The following LHX4 variants were observed in gnomAD, a reference collection of about 807,000 sequenced individuals.
LHX4 encodes the protein LIM homeobox 4.
In LHX4, 16 loss-of-function variants were observed where a neutral mutation model predicts 39.2. The ratio of observed to expected loss-of-function variants is 0.41; its 90% CI spans 0.28 to 0.62. The LOEUF (loss-of-function observed/expected upper bound fraction) is 0.62. LHX4 is among the 20% of genes least tolerant of loss of function. LHX4 has a pLI of 0.33. For missense variants in LHX4, 439 were observed against 511.9 expected, an observed-to-expected ratio of 0.86 and a Z score of 1.37; for synonymous variants, 206 against 198.1, an observed-to-expected ratio of 1.04 and a Z score of -0.33.
intron 1 of LHX4, among the ~76,000 whole-genome samples, chr1:180,243,412 T>C (rs1311253354): frequency 6.6e-6 from 1 of 152,152 alleles, no homozygotes; most frequent in Non-Finnish European, 1.5e-5. Flanking sequence ...ACTTTATTCC[T>C]GGTAGGAAAC....
chr1:180,241,560 C>T (rs528862072), intron 1 of LHX4, among the ~76,000 whole-genome samples: 16 of 152,080 alleles, frequency 1.1e-4, no homozygotes, highest in Non-Finnish European at 2.1e-4. Flanking sequence ...ACAGCTACCT[C>T]GAAAGAGTGG....
chr1:180,233,019 C>T (rs112820260), intron 1 of LHX4, among the ~76,000 whole-genome samples: 1 of 152,208 alleles, frequency 6.6e-6, no homozygotes. Context: ...ACGAATGGAG[C>T]ACTTGGGGAC....
chr1:180,258,341 G>T (rs1196397400), intron 2 of LHX4, among the ~76,000 whole-genome samples: 1 of 152,236 alleles, frequency 6.6e-6, no homozygotes, highest in African/African-American at 2.4e-5. Flanking sequence ...GGAGGAGGCG[G>T]AGTGGACTGG....
chr1:180,241,217 T>C (rs1664439281), intron 1 of LHX4, among the ~76,000 whole-genome samples: 2 of 152,182 alleles, frequency 1.3e-5, no homozygotes, highest in Non-Finnish European at 2.9e-5. Context: ...GTCTGCCAGA[T>C]CCCTTTATTC....
At chr1:180,228,446 C>T (rs355617), upstream of LHX4, among the ~76,000 whole-genome samples, 3,273 of 152,278 alleles carry the variant, frequency 0.021, 105 homozygotes, top group African/African-American at 0.073. Flanking sequence ...ATGCCCCTCC[C>T]GCGCGTCGGG....
chr1:180,233,939 T>A (rs1404693561), intron 1 of LHX4, among the ~76,000 whole-genome samples: 1 of 151,432 alleles, frequency 6.6e-6, no homozygotes, highest in Non-Finnish European at 1.5e-5. Flanking sequence ...TGGGACTTCC[T>A]CTCCTGGGGC....
intron 3 of LHX4, among the ~76,000 whole-genome samples, chr1:180,268,559 C>T (rs1343359182): frequency 2.6e-5 from 4 of 152,192 alleles, no homozygotes; most frequent in Non-Finnish European, 5.9e-5. Flanking sequence ...GGCTGACCCT[C>T]GGCTTCTCAG....
At chr1:180,261,923 CA>C (rs1461209721) in intron 2 of LHX4, among the ~76,000 whole-genome samples, 1 of 152,166 alleles carries the variant, frequency 6.6e-6, no homozygotes, top group African/African-American at 2.4e-5. Flanking sequence ...ATTAACAGAT[CA>C]GAATGTTCAC....
In LHX4 at chr1:180,266,252, C is replaced by T. The variant is rs983580251; in HGVS notation, c.249-140C>T. 11 of 783,268 alleles carry T rather than the reference C, an allele frequency of 1.4e-5. No individual in the cohort carries two copies. Among genetic ancestry groups the T allele is most frequent in the East Asian group, 5.1e-5 (2 of 38,880 alleles). The allele number at this position is 783,268 out of a possible 1,614,324, so 48.5% of individuals were successfully genotyped here. ...CTAGATGGAGGCAGAGAGGACCAGA[C>T]GGTAAGCTCTGGGTGACTGGGGGGT... is the stretch of plus-strand genomic sequence containing the variant. On this transcript the variant is annotated intron_variant, in intron 2 of 5. Coordinates refer to ENST00000263726, the MANE Select transcript of LHX4 (RefSeq NM_033343.4). The surrounding 1 kb of genome is among the most constrained non-coding windows in gnomAD (Gnocchi z 5.7).
rs1327972028 is a variant in LHX4, at chr1:180,232,760, G to A, written c.76+2155G>A. 1.3e-5 allele frequency among the ~76,000 whole-genome samples: 2 copies of A among 152,226 alleles called. No homozygotes were observed. The highest frequency in any genetic ancestry group is 2.9e-5 in the Non-Finnish European group (2 of 68,044). ...TTAGGCTGTTGGTGCTGGGACCGCG[G>A]GATAGGTCCCCATCACCCACATATA... On this transcript the variant is annotated intron_variant, in intron 1 of 5. Transcript: ENST00000263726. This position sits in a 1 kb window ranked among gnomAD's most constrained non-coding sequence, Gnocchi z 5.4.
chr1:180,268,785 G>A (rs1045647837), intron 3 of LHX4, among the ~76,000 whole-genome samples: 1 of 152,192 alleles, frequency 6.6e-6, no homozygotes, highest in African/African-American at 2.4e-5. Flanking sequence ...CCCTGGCTGT[G>A]AGCAAGGCAG....
intron 2 of LHX4, among the ~76,000 whole-genome samples, chr1:180,257,485 AG>A (rs1647906052): frequency 6.6e-6 from 1 of 152,146 alleles, no homozygotes; most frequent in Non-Finnish European, 1.5e-5. Context: ...TTCTCCAAAT[AG>A]GACCCCCGTC....
chr1:180,248,349 C>T lies in LHX4; in HGVS notation c.141C>T (p.Asp47=), dbSNP rs1466511057. Reference sequence around the variant, plus strand: ...ACAAGTTCATCCTGAAGGTCCTGGACAGACACTGGCACAGCTCCTGCCTCA... The same window carrying T: ...ACAAGTTCATCCTGAAGGTCCTGGATAGACACTGGCACAGCTCCTGCCTCA... ...ILDKFILKVL[D]RHWHSSCLKC... Residue 47 remains aspartate (D), a synonymous_variant, in exon 2 of 6, where the codon GAC becomes GAT. Coordinates refer to ENST00000263726, the MANE Select transcript of LHX4 (RefSeq NM_033343.4). The T allele has an allele frequency of 6.2e-7, 1 of 1,614,238 alleles. No homozygotes were observed. Among genetic ancestry groups the T allele is most frequent in the African/African-American group, 1.3e-5 (1 of 75,082 alleles).
chr1:180,259,834 G>A (rs1002114882), intron 2 of LHX4, among the ~76,000 whole-genome samples: 14 of 151,804 alleles, frequency 9.2e-5, no homozygotes, highest in South Asian at 4.1e-4. Flanking sequence ...CCTGGGTTGT[G>A]TGAGTCAGTG....
rs1222890771 is a variant in LHX4, at chr1:180,277,932, T to TTCA, written c.*3358_*3360dup. ...AGTAAGATAATTGGGCCATTAGATC[T>TTCA]TCATCATTAAACTCACTTTGCAAGG... On this transcript the variant is annotated 3_prime_UTR_variant, in exon 6 of 6. Transcript: ENST00000263726. 1.3e-5 allele frequency: 2 copies of TTCA among 152,110 alleles called. No homozygotes were observed. The highest frequency in any genetic ancestry group is 4.8e-5 in the African/African-American group (2 of 41,414). 9.4% of individuals were successfully genotyped at this position (152,110 alleles called of 1,614,324 possible).
intron 2 of LHX4, among the ~76,000 whole-genome samples, chr1:180,264,809 T>C (rs1648249608): frequency 6.6e-6 from 1 of 152,144 alleles, no homozygotes; most frequent in Admixed American, 6.5e-5. Context: ...ATTCCAGGAA[T>C]TCAGAAGCCT....
At chr1:180,269,402 TGGATGACA>T (rs1558222234) in intron 3 of LHX4, among the ~76,000 whole-genome samples, 2 of 152,226 alleles carry the variant, frequency 1.3e-5, no homozygotes, top group Non-Finnish European at 2.9e-5. Context: ...AATGAATACT[TGGATGACA>T]TTGTTATGGG....
chr1:180,239,281 T>A (rs1664397867), intron 1 of LHX4, among the ~76,000 whole-genome samples: 1 of 152,242 alleles, frequency 6.6e-6, no homozygotes, highest in South Asian at 2.1e-4. Context: ...GAAAACCATC[T>A]TCCTTCTTTC....
At chr1:180,271,204 G>A in intron 3 of LHX4, 176 bp from the exon 4 acceptor site, 2 of 710,642 alleles carry the variant, frequency 2.8e-6, no homozygotes, top group East Asian at 2.6e-5. Flanking sequence ...GGCCCGTGGT[G>A]CAGGAGTCAG....
Sources: gnomAD v4.1 joint callset for allele counts (sites outside exome capture counted in the v4.1 genomes callset) on GRCh38, gnomAD v4.1.1 for gene constraint, Gnocchi (gnomAD v3.1) non-coding constraint, MANE v1.5 for transcripts, NCBI Gene and HGNC (gene_info 2026-07-23, HGNC 2026-07-21) for gene names.